Variants in ADARB2 observed in about 807,000 individuals in gnomAD.
ADARB2 encodes the protein inactive double-stranded RNA-specific editase B2.
In ADARB2, 25 loss-of-function variants were observed where a neutral mutation model predicts 62.2. That is an observed-to-expected ratio of 0.40 (90% CI 0.29 to 0.56). The LOEUF (loss-of-function observed/expected upper bound fraction) is 0.56, where lower values mean the gene tolerates loss of function less well. ADARB2 is among the 20% of genes least tolerant of loss of function. The probability of loss-of-function intolerance (pLI) is 0.43; values close to 1 mark genes in which losing one functional copy is unlikely to be tolerated. For synonymous variants in ADARB2, 572 were observed against 500.8 expected (o/e 1.14, Z -1.90); for missense variants, 1,071 against 1,077.4 (o/e 0.99, Z 0.08).
chr10:1,529,797 G>A (rs776411970), intron 1 of ADARB2, among the ~76,000 whole-genome samples: 24 of 152,192 alleles, frequency 1.6e-4, no homozygotes, highest in African/African-American at 2.4e-4. Context: ...TCAGGGGCAC[G>A]CGCAGGGCAA....
intron 1 of ADARB2, among the ~76,000 whole-genome samples, chr10:1,514,178 A>AATATATATATATATATATATAT (rs61671460): frequency 0.025 from 2,302 of 93,912 alleles, 229 homozygotes; most frequent in East Asian, 0.043. Context: ...GCTGTCTCAA[A>AATATATATATATATATATATAT]ATATATATAT....
chr10:1,359,697 G>A (rs372949575), intron 3 of ADARB2, among the ~76,000 whole-genome samples: 3 of 152,164 alleles, frequency 2.0e-5, no homozygotes, highest in Non-Finnish European at 2.9e-5. Context: ...GAGCTGTCCC[G>A]GCAGGACAGA....
At chr10:1,320,019 A>C (rs1831781391) in intron 3 of ADARB2, among the ~76,000 whole-genome samples, 1 of 152,166 alleles carries the variant, frequency 6.6e-6, no homozygotes, top group African/African-American at 2.4e-5. Flanking sequence ...CCTCTACAGC[A>C]TTGGGGCTAT....
At chr10:1,652,425 G>A (rs141563015) in intron 1 of ADARB2, among the ~76,000 whole-genome samples, 7 of 152,256 alleles carry the variant, frequency 4.6e-5, no homozygotes, top group African/African-American at 1.2e-4. Flanking sequence ...TGCTCCTCCC[G>A]GGAGCATCCC....
chr10:1,233,661 T>G (rs761580428), intron 6 of ADARB2, 33 bp downstream of exon 6: 2 of 1,582,774 alleles, frequency 1.3e-6, no homozygotes, highest in South Asian at 2.3e-5. Flanking sequence ...TGGGGGCTGT[T>G]GGCCTACAGA....
intron 1 of ADARB2, among the ~76,000 whole-genome samples, chr10:1,409,130 A>T (rs1022689864): frequency 1.3e-5 from 2 of 152,160 alleles, no homozygotes; most frequent in Non-Finnish European, 2.9e-5. Context: ...CCCCTGAAGC[A>T]CGCTTGGCCC....
intron 8 of ADARB2, among the ~76,000 whole-genome samples, chr10:1,196,206 C>CTTT (rs10665720): frequency 0.017 from 2,031 of 120,856 alleles, 46 homozygotes; most frequent in Non-Finnish European, 0.021. Flanking sequence ...CTTCTTTTGC[C>CTTT]TTTTTTTTTT....
intron 1 of ADARB2, among the ~76,000 whole-genome samples, chr10:1,385,467 C>T (rs1456076499): frequency 6.7e-6 from 1 of 149,928 alleles, no homozygotes; most frequent in Non-Finnish European, 1.5e-5. Flanking sequence ...AACAAAAATT[C>T]TCAAGCTCAA....
At chr10:1,207,838 C>T (rs570996610) in intron 7 of ADARB2, among the ~76,000 whole-genome samples, 1 of 152,294 alleles carries the variant, frequency 6.6e-6, no homozygotes, top group African/African-American at 2.4e-5. Context: ...ATATGCCGCT[C>T]AATGTTTGAT....
chr10:1,301,231 C>T (rs548238593), intron 3 of ADARB2, among the ~76,000 whole-genome samples: 1 of 152,160 alleles, frequency 6.6e-6, no homozygotes, highest in East Asian at 1.9e-4. Context: ...TTAAAGATAA[C>T]AAGATAAAAT....
At chr10:1,479,353 C>T (rs1053197341) in intron 1 of ADARB2, among the ~76,000 whole-genome samples, 6 of 152,158 alleles carry the variant, frequency 3.9e-5, no homozygotes, top group Non-Finnish European at 7.3e-5. Context: ...ACCCATGACA[C>T]GTGAATGACA....
intron 7 of ADARB2, among the ~76,000 whole-genome samples, chr10:1,206,287 G>C (rs1190121692): frequency 6.6e-6 from 1 of 152,142 alleles, no homozygotes; most frequent in Non-Finnish European, 1.5e-5. Context: ...CTACCTGCGC[G>C]GGGGCCACGC....
At chr10:1,245,730 T>C (rs1379270029) in intron 4 of ADARB2, among the ~76,000 whole-genome samples, 1 of 152,256 alleles carries the variant, frequency 6.6e-6, no homozygotes, top group Non-Finnish European at 1.5e-5. Context: ...CTGAAACCAG[T>C]CTATCACTGA....
chr10:1,689,939 TAAAG>T (rs1325462466), intron 1 of ADARB2, among the ~76,000 whole-genome samples: 1 of 152,350 alleles, frequency 6.6e-6, no homozygotes, highest in African/African-American at 2.4e-5. Context: ...ACTCCACTAT[TAAAG>T]AAACAATGAT....
chr10:1,370,057 C>T (rs1832354116), intron 2 of ADARB2, among the ~76,000 whole-genome samples: 1 of 152,196 alleles, frequency 6.6e-6, no homozygotes, highest in Non-Finnish European at 1.5e-5. Context: ...ATGTTGCAGA[C>T]ACTCAGAATG....
chr10:1,631,326 G>C (rs1833841589), intron 1 of ADARB2, among the ~76,000 whole-genome samples: 1 of 151,718 alleles, frequency 6.6e-6, no homozygotes. Flanking sequence ...GGACGCGGCA[G>C]GGAACAGCTC....
intron 8 of ADARB2, among the ~76,000 whole-genome samples, chr10:1,192,146 A>G (rs1464545638): frequency 2.6e-5 from 4 of 152,244 alleles, no homozygotes; most frequent in Admixed American, 1.3e-4. Flanking sequence ...AAGTGAGCCT[A>G]CTATATTTAC....
intron 1 of ADARB2, among the ~76,000 whole-genome samples, chr10:1,583,948 G>T: frequency 6.6e-6 from 1 of 152,182 alleles, no homozygotes; most frequent in South Asian, 2.1e-4. Flanking sequence ...GCCAAAAAAT[G>T]AGTCCAGACA....
rs144381217 is a variant in ADARB2, at chr10:1,182,856, C to G, written c.*337G>C. 1 of 256,436 alleles carries G rather than the reference C, an allele frequency of 3.9e-6. No homozygotes were observed. Among genetic ancestry groups the G allele is most frequent in the East Asian group, 9.7e-5 (1 of 10,352 alleles). The allele number at this position is 256,436 out of a possible 1,614,324, so 15.9% of individuals were successfully genotyped here. ...GCAGGGACGGGGCCTGAGGCTCACT[C>G]CTGCCTGGTGTCGTGTCGGTGCCTC... On this transcript the variant is annotated 3_prime_UTR_variant, in exon 10 of 10. Coordinates refer to ENST00000381312, the MANE Select transcript of ADARB2 (RefSeq NM_018702.4).
Sources: allele counts gnomAD v4.1 joint callset (sites outside exome capture counted in the v4.1 genomes callset), GRCh38; gene constraint gnomAD v4.1.1; transcripts MANE v1.5; gene names NCBI Gene and HGNC (gene_info 2026-07-23, HGNC 2026-07-21).